SCOC: variants seen among roughly 807,000 people sequenced by gnomAD.
SCOC encodes the protein short coiled-coil protein.
In SCOC, 7 loss-of-function variants were observed where a neutral mutation model predicts 9.9. That is an observed-to-expected ratio of 0.71 (90% confidence interval 0.40 to 1.33). SCOC has a LOEUF of 1.33. Ranked by LOEUF, SCOC falls within the 40% of genes most tolerant of loss-of-function variation. The pLI, the probability that SCOC is intolerant of heterozygous loss-of-function variation, is 0.01. For missense variants in SCOC, 66 were observed against 89.7 expected (o/e 0.74, Z 1.07); for synonymous variants, 19 against 28.2 (o/e 0.67, Z 1.03).
At position 140,374,992 on chromosome 4, in the gene SCOC, A is replaced by T. The variant is rs913434982; in HGVS notation, c.-51+1275A>T. On this transcript the variant is annotated intron_variant, in intron 1 of 3. Coordinates refer to ENST00000608372, the MANE Select transcript of SCOC (RefSeq NM_001153484.2). The stretch of plus-strand genomic sequence containing the variant: ...TCTTAGTAGTTCTCCAGTATGACAG[A>T]TGGTGAAATCAATTTTAGATGCAGA... 1.1e-4 allele frequency among the ~76,000 whole-genome samples: 16 copies of T among 152,348 alleles called. No homozygotes were observed. In the East Asian group the frequency reaches 3.1e-3, roughly 29 times the overall value.
At chr4:140,345,587 CT>C in intron 2 of SCOC, among the ~76,000 whole-genome samples, 1 of 152,214 alleles carries the variant, frequency 6.6e-6, no homozygotes, top group South Asian at 2.1e-4. Context: ...AAAAATGGAG[CT>C]TGTTTAGCAG....
At chr4:140,319,827 T>C (rs967960122) in intron 1 of SCOC, among the ~76,000 whole-genome samples, 2 of 151,676 alleles carry the variant, frequency 1.3e-5, no homozygotes, top group Non-Finnish European at 2.9e-5. Context: ...TATAGGCAAA[T>C]AACTTTCTTA....
chr4:140,362,301 T>TCTTCTTCTTG, intron 2 of SCOC, among the ~76,000 whole-genome samples: 1 of 29,408 alleles, frequency 3.4e-5, no homozygotes, highest in African/African-American at 1.2e-4. Context: ...TTCTTCTTCT[T>TCTTCTTCTTG]TTTTTTTTTT....
chr4:140,271,732 C>A (rs142354445), intron 1 of SCOC, among the ~76,000 whole-genome samples: 6 of 152,274 alleles, frequency 3.9e-5, no homozygotes, highest in African/African-American at 1.4e-4. Context: ...GCCAGGCTTT[C>A]GTTTAGATGC....
intron 1 of SCOC, among the ~76,000 whole-genome samples, chr4:140,322,318 T>C (rs1428444688): frequency 1.3e-5 from 2 of 152,028 alleles, no homozygotes; most frequent in African/African-American, 2.4e-5. Context: ...ATTAAGAGCA[T>C]TGAGGGTGAT....
intron 1 of SCOC, among the ~76,000 whole-genome samples, chr4:140,294,980 C>A (rs530250263): frequency 6.6e-6 from 1 of 152,288 alleles, no homozygotes; most frequent in Admixed American, 6.5e-5. Context: ...TGAAATTAAA[C>A]CCCATACCAG....
chr4:140,307,737 G>T (rs929817337), intron 1 of SCOC, among the ~76,000 whole-genome samples: 1 of 152,106 alleles, frequency 6.6e-6, no homozygotes, highest in African/African-American at 2.4e-5. Flanking sequence ...TGGATACTGG[G>T]TCTCTCACAG....
rs1346656827 is a variant in SCOC, at chr4:140,379,628, T to G, written c.82T>G (p.Leu28Val). 6.2e-7 allele frequency: 1 copy of G among 1,612,570 alleles called. No homozygotes were observed. Among genetic ancestry groups the G allele is most frequent in the Admixed American group, 1.7e-5 (1 of 59,888 alleles). ...AAAAACAAGACTTATTAATCAAGTG[T>G]TGGAACTCCAACACACACTTGAAGG... ...EEKTRLINQV[L>V]ELQHTLEDLS... Residue 28 changes from leucine to valine, a missense_variant, in exon 3 of 4, where the codon TTG becomes GTG. By Grantham distance (32) the Leu-to-Val change is conservative. Coordinates refer to ENST00000608372, the MANE Select transcript of SCOC (RefSeq NM_001153484.2).
At chr4:140,344,735 T>C (rs1426932668) in intron 2 of SCOC, among the ~76,000 whole-genome samples, 2 of 152,180 alleles carry the variant, frequency 1.3e-5, no homozygotes, top group Non-Finnish European at 2.9e-5. Flanking sequence ...CAGGGTGTTT[T>C]AGAAAGCAGA....
At chr4:140,317,497 G>T (rs182931169) in intron 1 of SCOC, among the ~76,000 whole-genome samples, 1 of 151,920 alleles carries the variant, frequency 6.6e-6, no homozygotes, top group South Asian at 2.1e-4. Flanking sequence ...TTGCTCAATC[G>T]ATCACGACCC....
intron 2 of SCOC, chr4:140,366,521 T>G (rs1437748418): frequency 6.4e-7 from 1 of 1,569,136 alleles, no homozygotes; most frequent in African/African-American, 1.4e-5. Flanking sequence ...CTCATTGCCT[T>G]CATAACTTTA....
chr4:140,345,066 G>A (rs1054993119), intron 2 of SCOC, among the ~76,000 whole-genome samples: 2 of 152,116 alleles, frequency 1.3e-5, no homozygotes, highest in African/African-American at 2.4e-5. Flanking sequence ...GAGCAAGAGG[G>A]CAGGAAATTT....
chr4:140,277,168 C>T (rs1026044073), intron 1 of SCOC, among the ~76,000 whole-genome samples: 4 of 152,108 alleles, frequency 2.6e-5, no homozygotes, highest in African/African-American at 9.7e-5. Flanking sequence ...TGTGATTTCT[C>T]TTTTGTGAGC....
intron 1 of SCOC, among the ~76,000 whole-genome samples, chr4:140,286,014 A>G (rs1231397789): frequency 6.6e-6 from 1 of 151,888 alleles, no homozygotes; most frequent in Non-Finnish European, 1.5e-5. Context: ...GCGAAATCCC[A>G]TCTCTACTAA....
rs78852242 is a variant in SCOC at position 140,258,636 on chromosome 4, C to T, written c.-19+1226C>T. Among the ~76,000 whole-genome samples, 202 of 152,272 alleles carry T rather than the reference C, an allele frequency of 1.3e-3. 2 individuals are homozygous for T. The East Asian group carries it at 0.03, about 23-fold the overall frequency. On this transcript the variant is annotated intron_variant, in intron 1 of 4. Coordinates refer to the SCOC transcript ENST00000394205. ...TCATTCATTGTAGAAGCTGAAGAAG[C>T]GCTTTAGATTGTGTCTGAGTTGGAG...
At chr4:140,340,415 G>T (rs559280944), upstream of SCOC, among the ~76,000 whole-genome samples, 5 of 151,724 alleles carry the variant, frequency 3.3e-5, no homozygotes, top group African/African-American at 1.2e-4. Flanking sequence ...GTATATATAT[G>T]TAACAAACCT....
rs1012369544 is a variant in SCOC, at chr4:140,379,784, A to G, written c.106+132A>G. 3 of 617,312 alleles carry G rather than the reference A, an allele frequency of 4.9e-6. No homozygotes were observed. The South Asian group carries it at 6.2e-5, about 13-fold the overall frequency. The allele number at this position is 617,312 out of a possible 1,614,324, so 38.2% of individuals were successfully genotyped here. A position where few individuals can be genotyped will look rare whatever the true frequency, so the allele number is the denominator to read the frequency against. ...TGAACTTCAAAGTACACACATATAT[A>G]TATCTATCTTCCTGCTTTGGTAGTT... is the stretch of plus-strand genomic sequence containing the variant. On this transcript the variant is annotated intron_variant, in intron 3 of 3. Coordinates refer to ENST00000608372, the MANE Select transcript of SCOC (RefSeq NM_001153484.2).
intron 1 of SCOC, among the ~76,000 whole-genome samples, chr4:140,311,643 T>C (rs1732159265): frequency 6.6e-6 from 1 of 152,142 alleles, no homozygotes. Flanking sequence ...ATCAGCACAG[T>C]GGTGTGGGGA....
intron 1 of SCOC, among the ~76,000 whole-genome samples, chr4:140,268,902 C>T (rs971547055): frequency 2.0e-4 from 30 of 152,108 alleles, no homozygotes; most frequent in Non-Finnish European, 2.6e-4. Context: ...GTATAATGAA[C>T]GTGCAATAGG....
Sources: gnomAD v4.1 joint callset for allele counts (sites outside exome capture counted in the v4.1 genomes callset) on GRCh38, gnomAD v4.1.1 for gene constraint, MANE v1.5 for transcripts, NCBI Gene and HGNC (gene_info 2026-07-23, HGNC 2026-07-21) for gene names.